The following XRN1 variants were observed in gnomAD, a reference collection of about 807,000 sequenced individuals.
XRN1 encodes the protein 5'-3' exoribonuclease 1.
XRN1 carries 67 observed loss-of-function variants against 222.3 expected under a neutral mutation model. The ratio of observed to expected loss-of-function variants is 0.30; its 90% CI spans 0.25 to 0.37. XRN1 has a LOEUF of 0.37. Ranked by LOEUF, XRN1 falls within the 10% of genes least tolerant of loss-of-function variation. XRN1 has a pLI of 1.00. For missense variants in XRN1, 1,707 were observed against 2,000.2 expected, an observed-to-expected ratio of 0.85 and a Z score of 2.80; for synonymous variants, 643 against 652.4, an observed-to-expected ratio of 0.99 and a Z score of 0.22.
At chr3:142,359,968 A>C (rs1367050355) in intron 29 of XRN1, 37 bp from the exon 30 acceptor site, 4 of 1,443,360 alleles carry the variant, frequency 2.8e-6, no homozygotes, top group African/African-American at 2.9e-5. Flanking sequence ...ACACTAAAAA[A>C]TCATATGATG....
intron 33 of XRN1, among the ~76,000 whole-genome samples, chr3:142,337,289 G>A (rs1015043078): frequency 6.6e-6 from 1 of 151,944 alleles, no homozygotes; most frequent in Non-Finnish European, 1.5e-5. Context: ...CTCTTAATCT[G>A]TTTTACTTTT....
At chr3:142,405,327 A>G (rs7349528) in intron 15 of XRN1, among the ~76,000 whole-genome samples, 22,609 of 152,188 alleles carry the variant, frequency 0.15, 2,066 homozygotes, top group Middle Eastern at 0.27. Flanking sequence ...AGTTGCCACT[A>G]AAGTGCAAAT....
At position 142,309,689 on chromosome 3, in the gene XRN1, T is replaced by G. The variant is rs572316624; in HGVS notation, c.*1822A>C. The G allele has an allele frequency of 6.6e-6, 1 of 152,368 alleles. No individual in the cohort carries two copies. The highest frequency in any genetic ancestry group is 1.5e-5 in the Non-Finnish European group (1 of 68,038). The allele number at this position is 152,368 out of a possible 1,614,324, so 9.4% of individuals were successfully genotyped here. ...TCTATGCTCTAAAACAGATGTGAGC[T>G]GCATGCTATTTATATAACTGTCACA... On this transcript the variant is annotated 3_prime_UTR_variant, in exon 41 of 41. Coordinates refer to ENST00000392981, the MANE Select transcript of XRN1 (RefSeq NM_001282857.2).
chr3:142,379,977 A>AT, intron 23 of XRN1, 105 bp downstream of exon 23: 1 of 846,402 alleles, frequency 1.2e-6, no homozygotes, highest in South Asian at 2.1e-5. Flanking sequence ...TCTAATCATT[A>AT]TTAAATAAAA....
At chr3:142,335,649 T>A (rs965172156) in intron 33 of XRN1, 140 bp from the exon 34 acceptor site, 2 of 718,636 alleles carry the variant, frequency 2.8e-6, no homozygotes, top group African/African-American at 3.7e-5. Flanking sequence ...AAGGAATTTA[T>A]AACATAGATA....
chr3:142,375,974 G>GCACACACACA (rs66486380), intron 24 of XRN1, 30 bp from the exon 25 acceptor site: 99 of 1,448,136 alleles, frequency 6.8e-5, no homozygotes, highest in Middle Eastern at 3.8e-4. Flanking sequence ...GCGCACACGT[G>GCACACACACA]CACACACACA....
intron 15 of XRN1, among the ~76,000 whole-genome samples, chr3:142,405,549 T>C (rs943192205): frequency 6.6e-6 from 1 of 152,142 alleles, no homozygotes; most frequent in Non-Finnish European, 1.5e-5. Context: ...ATACCAGTGT[T>C]AATATGGAAG....
rs1177292587 is a variant in XRN1, at chr3:142,426,805, T to G, written c.345A>C (p.Ala115=). 1 of 1,613,762 alleles carries G rather than the reference T, an allele frequency of 6.2e-7. No homozygotes were observed. Among genetic ancestry groups the G allele is most frequent in the Non-Finnish European group, 8.5e-7 (1 of 1,179,970 alleles). Residue 115 remains alanine (A), a synonymous_variant, in exon 3 of 41, where the codon GCA becomes GCC. Coordinates refer to ENST00000392981, the MANE Select transcript of XRN1 (RefSeq NM_001282857.2). ...AKEAEDKIKK[A]IEKGETLPTE... ...TAGGAAGAGTTTCTCCCTTCTCTATTGCCTTTTTAATTTTGTCTTCTGCCT... is the reference window on the plus strand; with the variant it reads ...TAGGAAGAGTTTCTCCCTTCTCTATGGCCTTTTTAATTTTGTCTTCTGCCT...
chr3:142,349,726 T>C (rs2107809819), intron 32 of XRN1, among the ~76,000 whole-genome samples: 1 of 152,298 alleles, frequency 6.6e-6, no homozygotes. Context: ...GTGAATTCTC[T>C]TGAATTTGCT....
At chr3:142,434,945 T>C (rs941388453) in intron 1 of XRN1, 1 of 152,134 alleles carries the variant, frequency 6.6e-6, no homozygotes, top group Non-Finnish European at 1.5e-5. Flanking sequence ...CATACAAATA[T>C]TTTTAAACTC....
intron 5 of XRN1, 27 bp downstream of exon 5, chr3:142,425,195 G>A: frequency 6.8e-7 from 1 of 1,477,844 alleles, no homozygotes; most frequent in Non-Finnish European, 9.1e-7. Flanking sequence ...CAATGCATAA[G>A]TTTATAATAA....
intron 9 of XRN1, 115 bp from the exon 10 acceptor site, chr3:142,421,268 C>G: frequency 9.3e-7 from 1 of 1,079,260 alleles, no homozygotes; most frequent in Non-Finnish European, 1.3e-6. Context: ...GAATGTTACT[C>G]TTTTATATAT....
At chr3:142,401,351 T>G (rs1002502855) in intron 18 of XRN1, among the ~76,000 whole-genome samples, 1 of 152,208 alleles carries the variant, frequency 6.6e-6, no homozygotes, top group African/African-American at 2.4e-5. Flanking sequence ...ACATGAAAGC[T>G]TTCATAAACC....
At position 142,380,188 on chromosome 3, in the gene XRN1, G is replaced by GA. The variant is rs200279252; in HGVS notation, c.2617-9dup. On this transcript the variant is annotated splice_polypyrimidine_tract_variant and intron_variant, in intron 22 of 40. Transcript: ENST00000392981. ...ATCACCTGAATCCTGAACCTTAGAA[G>GA]AAAAAAAAATCACAGTATAGTCTCT... The GA allele has an allele frequency of 5.4e-4, 860 of 1,592,006 alleles. 1 individual carries two copies. Among genetic ancestry groups the GA allele is most frequent in the Middle Eastern group, 4.2e-3 (25 of 5,950 alleles).
At chr3:142,376,830 G>C (rs903379725) in intron 23 of XRN1, among the ~76,000 whole-genome samples, 3 of 152,084 alleles carry the variant, frequency 2.0e-5, no homozygotes, top group Admixed American at 1.3e-4. Flanking sequence ...TGGATAAAAG[G>C]GGGGAGGAAA....
At chr3:142,435,927 G>T (rs2069878458) in intron 1 of XRN1, 1 of 152,340 alleles carries the variant, frequency 6.6e-6, no homozygotes, top group Non-Finnish European at 1.5e-5. Context: ...GGGCGTGGTG[G>T]TGGGCGCCTG....
Position 142,418,589 on chromosome 3 carries a change from C to A in XRN1, c.1261G>T (p.Glu421Ter). The change falls in exon 12 of 41, where the codon GAA becomes TAA. Residue 421 changes from glutamate (E) to a stop codon, truncating the protein, a stop_gained. Coordinates refer to ENST00000392981, the MANE Select transcript of XRN1 (RefSeq NM_001282857.2). LOFTEE classifies it high-confidence loss of function. ...TCAGTTTCAAATAGGTCATCATCTTCAGTCTCATCTTCTAAATTATCTGGG... is the reference window on the plus strand; with the variant it reads ...TCAGTTTCAAATAGGTCATCATCTTAAGTCTCATCTTCTAAATTATCTGGG... Reference protein sequence around the residue: ...TSKDNLEDETEDDDLFETEFR... With the variant: ...TSKDNLEDET 6.3e-7 allele frequency: 1 copy of A among 1,597,752 alleles called. No homozygotes were observed. Among genetic ancestry groups the A allele is most frequent in the Non-Finnish European group, 8.5e-7 (1 of 1,175,452 alleles).
In XRN1 at chr3:142,448,031, C is replaced by A; in HGVS notation, c.-87G>T. 3 of 1,428,766 alleles carry A rather than the reference C, an allele frequency of 2.1e-6. No homozygotes were observed. Among genetic ancestry groups the A allele is most frequent in the South Asian group, 1.2e-5 (1 of 85,508 alleles). The allele number at this position is 1,428,766 out of a possible 1,614,324, so 88.5% of individuals were successfully genotyped here. On this transcript the variant is annotated 5_prime_UTR_variant, in exon 1 of 41. Transcript: ENST00000392981. ...CCGCCGCAGCCTCCGGTCGTCGCTC[C>A]GCGGATGACAACACACCGCCCGGCC...
chr3:142,311,845 ATGTAGGC>A (rs1332655164), intron 40 of XRN1, 32 bp from the exon 41 acceptor site: 3 of 1,526,044 alleles, frequency 2.0e-6, no homozygotes, highest in African/African-American at 1.4e-5. Flanking sequence ...CTAATTAATA[ATGTAGGC>A]AAAAAATTAG....
Sources: allele counts gnomAD v4.1 joint callset (sites outside exome capture counted in the v4.1 genomes callset), GRCh38; gene constraint gnomAD v4.1.1; transcripts MANE v1.5; gene names NCBI Gene and HGNC (gene_info 2026-07-23, HGNC 2026-07-21).